Variants in ABCB1 observed in about 807,000 individuals in gnomAD.
The protein encoded by ABCB1 is ATP-dependent translocase ABCB1.
A neutral mutation model predicts 142.0 loss-of-function variants in ABCB1; 69 were observed. The ratio of observed to expected loss-of-function variants is 0.49; its 90% CI spans 0.40 to 0.59. The LOEUF is 0.59. ABCB1 is among the 20% of genes least tolerant of loss of function. ABCB1 has a pLI of 0.00. For synonymous variants in ABCB1, 532 were observed against 539.2 expected (o/e 0.99, Z 0.18); for missense variants, 1,326 against 1,554.7 (o/e 0.85, Z 2.47).
Position 87,707,544 on chromosome 7 carries a change from C to T in ABCB1, c.-331+5617G>A, listed in dbSNP as rs182454945. On this transcript the variant is annotated intron_variant, in intron 1 of 28. Coordinates refer to the ABCB1 transcript ENST00000265724. ...CAAAAATTAGCCAGGTGTGGTGGCA[C>T]GCACCTGTAGCCCCAGCTACTCAGG... Among the ~76,000 whole-genome samples the T allele has an allele frequency of 3.8e-3, 584 of 152,040 alleles. 2 individuals carry two copies. Among genetic ancestry groups the T allele is most frequent in the Non-Finnish European group, 5.8e-3 (395 of 67,938 alleles).
In ABCB1 at chr7:87,626,222, A is replaced by ATGTGTCACATATAT. The variant is rs778439782; in HGVS notation, c.-330-25145_-330-25144insATATATGTGACACA. Among the ~76,000 whole-genome samples, 2 of 11,584 alleles carry ATGTGTCACATATAT rather than the reference A, an allele frequency of 1.7e-4. 1 individual carries two copies. The highest frequency in any genetic ancestry group is 9.6e-4 in the African/African-American group (2 of 2,086). The allele number at this position is 11,584 out of a possible 152,430, so 7.6% of individuals were successfully genotyped here. On this transcript the variant is annotated intron_variant, in intron 1 of 28. Coordinates refer to the ABCB1 transcript ENST00000265724. ...TATGTCATATATATGTGTCATATATATGTCATATATATGTGTCATATATAT... is the reference window on the plus strand; with the variant it reads ...TATGTCATATATATGTGTCATATATATGTGTCACATATATTGTCATATATATGTGTCATATATAT...
chr7:87,545,934 T>A lies in ABCB1; in HGVS notation c.1816A>T (p.Ile606Phe), dbSNP rs749574370. Residue 606 changes from isoleucine to phenylalanine, a missense_variant, in exon 15 of 28, where the codon ATT (isoleucine) becomes TTT (phenylalanine). Physicochemically the swap from Ile to Phe is conservative, Grantham distance 21 (BLOSUM62 0). Coordinates refer to ENST00000622132, the MANE Select transcript of ABCB1 (RefSeq NM_001348946.2). ...DVIAGFDDGVIVEKGNHDELM... is the reference protein window; with the variant it reads ...DVIAGFDDGVFVEKGNHDELM... ...TCATCATGATTTCCTTTCTCCACAA[T>A]GACTCCATCATCGAAACCAGCGATG... 6.2e-7 allele frequency: 1 copy of A among 1,614,194 alleles called. No homozygotes were observed. The highest frequency in any genetic ancestry group is 1.1e-5 in the South Asian group (1 of 91,082).
At chr7:87,561,469 A>C in intron 7 of ABCB1, 82 bp from the exon 8 acceptor site, 4 of 1,354,612 alleles carry the variant, frequency 3.0e-6, no homozygotes, top group Non-Finnish European at 4.1e-6. Context: ...GTATACATAA[A>C]TGCTGCTTAT....
intron 1 of ABCB1, among the ~76,000 whole-genome samples, chr7:87,659,838 G>A (rs1227925679): frequency 2.6e-5 from 4 of 152,080 alleles, no homozygotes; most frequent in African/African-American, 9.7e-5. Flanking sequence ...TATTTAGCAG[G>A]AGGAAAATAC....
rs571031312 is a variant in ABCB1, at chr7:87,625,837, T to C, written c.-330-24759A>G. ...AACATCCATATATAGAAATTTCGCCTGCTTTTATTAACTTGAAAGATAAAG... is the reference window on the plus strand; with the variant it reads ...AACATCCATATATAGAAATTTCGCCCGCTTTTATTAACTTGAAAGATAAAG... On this transcript the variant is annotated intron_variant, in intron 1 of 28. Coordinates refer to the ABCB1 transcript ENST00000265724. Among the ~76,000 whole-genome samples, 68 of 152,164 alleles carry C rather than the reference T, an allele frequency of 4.5e-4. 1 individual carries two copies. In the South Asian group the frequency reaches 0.014, roughly 32 times the overall value.
intron 1 of ABCB1, among the ~76,000 whole-genome samples, chr7:87,676,559 C>T: frequency 6.6e-6 from 1 of 151,946 alleles, no homozygotes. Flanking sequence ...CAATAATTAG[C>T]CAGGTATAGT....
At chr7:87,687,316 A>T (rs1467611686) in intron 1 of ABCB1, among the ~76,000 whole-genome samples, 1 of 152,140 alleles carries the variant, frequency 6.6e-6, no homozygotes, top group Non-Finnish European at 1.5e-5. Flanking sequence ...TTCTTCTAGT[A>T]TCTGAATGGT....
intron 1 of ABCB1, among the ~76,000 whole-genome samples, chr7:87,669,895 C>G (rs1042776153): frequency 6.6e-6 from 1 of 152,128 alleles, no homozygotes; most frequent in Non-Finnish European, 1.5e-5. Context: ...CTCTAGCTGC[C>G]TTTAAAAGTC....
intron 1 of ABCB1, among the ~76,000 whole-genome samples, chr7:87,644,579 A>G (rs141319740): frequency 7.6e-4 from 116 of 152,354 alleles, no homozygotes; most frequent in Non-Finnish European, 1.2e-3. Flanking sequence ...GTTTTCATGT[A>G]CATTAGTTAT....
Position 87,616,586 on chromosome 7 carries a change from G to A in ABCB1, c.-330-15508C>T, listed in dbSNP as rs577552789. ...GCACTTGCTACACATCATGCCCTAA[G>A]AGTTTCGTTTATGATCATGGTATCT... is the stretch of plus-strand genomic sequence containing the variant. On this transcript the variant is annotated intron_variant, in intron 1 of 28. Coordinates refer to the ABCB1 transcript ENST00000265724. Among the ~76,000 whole-genome samples, 12 of 152,282 alleles carry A rather than the reference G, an allele frequency of 7.9e-5. No homozygotes were observed. The East Asian group carries it at 2.1e-3, about 27-fold the overall frequency.
chr7:87,537,952 A>T (rs1317685667), intron 19 of ABCB1, among the ~76,000 whole-genome samples: 2 of 152,228 alleles, frequency 1.3e-5, no homozygotes, highest in Non-Finnish European at 2.9e-5. Context: ...AAATAGTGCT[A>T]TAATTTATTA....
intron 8 of ABCB1, among the ~76,000 whole-genome samples, chr7:87,558,737 C>T (rs1056736270): frequency 6.6e-6 from 1 of 151,882 alleles, no homozygotes; most frequent in Admixed American, 6.6e-5. Context: ...CTGCGGGTCT[C>T]TAATATATTA....
At chr7:87,535,820 T>G (rs1288973335) in intron 20 of ABCB1, among the ~76,000 whole-genome samples, 1 of 152,166 alleles carries the variant, frequency 6.6e-6, no homozygotes, top group Non-Finnish European at 1.5e-5. Flanking sequence ...ATTACATGAA[T>G]TTTTTCAAAT....
At chr7:87,522,874 T>C (rs1456429903) in intron 21 of ABCB1, among the ~76,000 whole-genome samples, 1 of 152,202 alleles carries the variant, frequency 6.6e-6, no homozygotes, top group Non-Finnish European at 1.5e-5. Flanking sequence ...TTTACCTTCA[T>C]ATCAAAAGCA....
chr7:87,603,657 T>G (rs1458364190), upstream of ABCB1, among the ~76,000 whole-genome samples: 1 of 152,252 alleles, frequency 6.6e-6, no homozygotes, highest in African/African-American at 2.4e-5. Flanking sequence ...TATGTGCTTT[T>G]CACTCTGTGC....
chr7:87,612,436 A>G (rs1819884643), intron 1 of ABCB1, among the ~76,000 whole-genome samples: 2 of 152,030 alleles, frequency 1.3e-5, no homozygotes. Flanking sequence ...GTTAATTTTT[A>G]TATGTGATGA....
In ABCB1 at chr7:87,545,938, T is replaced by C; in HGVS notation, c.1812A>G (p.Gly604=). The C allele has an allele frequency of 2.5e-6, 4 of 1,614,138 alleles. No individual in the cohort carries two copies. The highest frequency in any genetic ancestry group is 3.4e-6 in the Non-Finnish European group (4 of 1,179,984). The change falls in exon 15 of 28, where the codon GGA becomes GGG. Residue 604 remains glycine, a synonymous_variant. Coordinates refer to ENST00000622132, the MANE Select transcript of ABCB1 (RefSeq NM_001348946.2). The part of the protein sequence containing the change: ...NADVIAGFDD[G]VIVEKGNHDE... ...CATGATTTCCTTTCTCCACAATGAC[T>C]CCATCATCGAAACCAGCGATGACGT...
At position 87,531,497 on chromosome 7, in the gene ABCB1, C is replaced by G; in HGVS notation, c.2482G>C (p.Ala828Pro). 3 of 1,612,494 alleles carry G rather than the reference C, an allele frequency of 1.9e-6. No homozygotes were observed. The highest frequency in any genetic ancestry group is 2.5e-6 in the Non-Finnish European group (3 of 1,179,468). ...LANDAAQVKG[A>P]IGSRLAVITQ... ...ATTACAGCAAGCCTGGAACCTATAG[C>G]CTGCAAAACAAAACAAATTAGAGAA... Residue 828 changes from alanine (A) to proline (P), a missense_variant and splice_region_variant, in exon 21 of 28, where the codon GCT becomes CCT. Transcript: ENST00000622132.
At chr7:87,663,367 C>T (rs117102999) in intron 1 of ABCB1, among the ~76,000 whole-genome samples, 4,461 of 152,166 alleles carry the variant, frequency 0.029, 63 homozygotes, top group Middle Eastern at 0.048. Context: ...TCCAGTTCAG[C>T]TGCATTCTTC....
Sources: gnomAD v4.1 joint callset for allele counts (sites outside exome capture counted in the v4.1 genomes callset) on GRCh38, gnomAD v4.1.1 for gene constraint, MANE v1.5 for transcripts, NCBI Gene and HGNC (gene_info 2026-07-23, HGNC 2026-07-21) for gene names.